PSMD14: variants seen among roughly 807,000 people sequenced by gnomAD.
The protein encoded by PSMD14 is ubiquitin C-terminal hydrolase PSMD14.
A neutral mutation model predicts 41.2 loss-of-function variants in PSMD14; 7 were observed. The observed-to-expected ratio is 0.17, with a 90% confidence interval of 0.10 to 0.32. The LOEUF (loss-of-function observed/expected upper bound fraction) is 0.32. PSMD14 is among the 10% of genes least tolerant of loss of function. The pLI is 1.00. For missense variants in PSMD14, 139 were observed against 375.6 expected (o/e 0.37, Z 5.21); for synonymous variants, 114 against 122.3 (o/e 0.93, Z 0.45).
At chr2:161,379,235 A>C (rs1683543478) in intron 7 of PSMD14, among the ~76,000 whole-genome samples, 1 of 151,876 alleles carries the variant, frequency 6.6e-6, no homozygotes, top group Non-Finnish European at 1.5e-5. Flanking sequence ...TAGAATTGAC[A>C]CTCTTAAGTT....
intron 9 of PSMD14, among the ~76,000 whole-genome samples, chr2:161,392,013 C>T (rs183309340): frequency 6.6e-6 from 1 of 152,062 alleles, no homozygotes; most frequent in Non-Finnish European, 1.5e-5. Flanking sequence ...CATTTTATAC[C>T]AGTTTTCAAG....
At chr2:161,395,027 A>AGGG in intron 9 of PSMD14, 51 bp from the exon 10 acceptor site, 2 of 1,462,668 alleles carry the variant, frequency 1.4e-6, no homozygotes, top group Admixed American at 5.7e-5. Flanking sequence ...TAGACAATGA[A>AGGG]GGGGGTATCC....
At chr2:161,341,705 G>A (rs1370283091) in intron 3 of PSMD14, among the ~76,000 whole-genome samples, 3 of 151,492 alleles carry the variant, frequency 2.0e-5, no homozygotes, top group Non-Finnish European at 4.4e-5. Flanking sequence ...CGGGCGTGGT[G>A]GCATCTGCCT....
chr2:161,324,405 TTGGGAAAAA>T (rs1387949379), intron 3 of PSMD14, among the ~76,000 whole-genome samples: 2 of 152,136 alleles, frequency 1.3e-5, no homozygotes, highest in Admixed American at 6.5e-5. Flanking sequence ...TTAGACCAAC[TTGGGAAAAA>T]TGGGAAAAAT....
intron 3 of PSMD14, among the ~76,000 whole-genome samples, chr2:161,344,545 T>A (rs978829540): frequency 6.6e-6 from 1 of 152,192 alleles, no homozygotes. Flanking sequence ...TTTGAGAAAG[T>A]GTCATATTGT....
intron 3 of PSMD14, among the ~76,000 whole-genome samples, chr2:161,366,649 A>G (rs543283029): frequency 6.6e-5 from 10 of 152,266 alleles, no homozygotes; most frequent in Admixed American, 3.9e-4. Flanking sequence ...AGATTGTCCA[A>G]TATTAAAAAA....
At chr2:161,327,595 G>A (rs1241752628) in intron 3 of PSMD14, among the ~76,000 whole-genome samples, 1 of 151,892 alleles carries the variant, frequency 6.6e-6, no homozygotes, top group African/African-American at 2.4e-5. Flanking sequence ...CAACTCAAAA[G>A]ATTCATAATT....
intron 3 of PSMD14, among the ~76,000 whole-genome samples, chr2:161,366,806 A>G (rs1251572223): frequency 1.3e-5 from 2 of 152,216 alleles, no homozygotes; most frequent in Non-Finnish European, 2.9e-5. Context: ...GGAAGAAGAT[A>G]GAATCCTTAA....
intron 9 of PSMD14, 50 bp from the exon 10 acceptor site, chr2:161,395,028 G>C: frequency 1.4e-6 from 2 of 1,447,204 alleles, no homozygotes; most frequent in Admixed American, 2.9e-5. Flanking sequence ...AGACAATGAA[G>C]GGGGTATCCT....
intron 3 of PSMD14, among the ~76,000 whole-genome samples, chr2:161,357,470 T>G (rs778400501): frequency 2.0e-5 from 3 of 152,164 alleles, no homozygotes; most frequent in Non-Finnish European, 4.4e-5. Flanking sequence ...TATAACAAAC[T>G]TATTTTCAAG....
In PSMD14 at chr2:161,354,462, G is replaced by C. The variant is rs564354672; in HGVS notation, c.49-13016G>C. Among the ~76,000 whole-genome samples, 6 of 150,960 alleles carry C rather than the reference G, an allele frequency of 4.0e-5. No individual in the cohort carries two copies. In the East Asian group the frequency reaches 1.2e-3, roughly 30 times the overall value. On this transcript the variant is annotated intron_variant, in intron 3 of 11. Coordinates refer to ENST00000409682, the MANE Select transcript of PSMD14 (RefSeq NM_005805.6). ...GTTTCGTCATGTTGCCCAGGCTGCT[G>C]AATGATGTTTTTTTATAACAAAGGT... is the stretch of plus-strand genomic sequence containing the variant.
At chr2:161,365,732 A>G (rs1244739653) in intron 3 of PSMD14, among the ~76,000 whole-genome samples, 1 of 152,158 alleles carries the variant, frequency 6.6e-6, no homozygotes, top group African/African-American at 2.4e-5. Context: ...ATAAATATAT[A>G]TGTTATGGAG....
intron 7 of PSMD14, among the ~76,000 whole-genome samples, chr2:161,376,682 C>G (rs1345642050): frequency 6.6e-6 from 1 of 151,880 alleles, no homozygotes; most frequent in African/African-American, 2.4e-5. Context: ...GAATATATTA[C>G]TTTGAAACTT....
At chr2:161,314,189 T>C (rs752492559) in intron 1 of PSMD14, among the ~76,000 whole-genome samples, 7 of 152,236 alleles carry the variant, frequency 4.6e-5, no homozygotes, top group Non-Finnish European at 7.3e-5. Flanking sequence ...GTGTACACTT[T>C]AGCATTTTTC....
intron 11 of PSMD14, among the ~76,000 whole-genome samples, chr2:161,410,668 C>A (rs981705192): frequency 2.0e-5 from 3 of 151,996 alleles, no homozygotes; most frequent in African/African-American, 7.2e-5. Context: ...TGCTATGATA[C>A]ATTTTTTTCA....
intron 7 of PSMD14, among the ~76,000 whole-genome samples, chr2:161,378,042 A>C (rs1333818879): frequency 6.6e-6 from 1 of 151,948 alleles, no homozygotes; most frequent in African/African-American, 2.4e-5. Context: ...TCTAGATGTG[A>C]CATTAGCCAT....
chr2:161,396,417 T>C (rs1486797555), intron 10 of PSMD14, among the ~76,000 whole-genome samples: 1 of 152,036 alleles, frequency 6.6e-6, no homozygotes, highest in African/African-American at 2.4e-5. Flanking sequence ...ATGTGGTGTA[T>C]AGATATACAT....
intron 9 of PSMD14, among the ~76,000 whole-genome samples, chr2:161,394,369 A>C (rs908494811): frequency 2.6e-5 from 4 of 152,190 alleles, no homozygotes; most frequent in Admixed American, 2.6e-4. Flanking sequence ...GAATACCAGA[A>C]TTTGAAGGAA....
chr2:161,357,875 T>C (rs1371993593), intron 3 of PSMD14, among the ~76,000 whole-genome samples: 1 of 150,438 alleles, frequency 6.6e-6, no homozygotes, highest in Non-Finnish European at 1.5e-5. Context: ...TTCCATCACA[T>C]TCAATCTCCA....
Sources: gnomAD v4.1 joint callset for allele counts (sites outside exome capture counted in the v4.1 genomes callset) on GRCh38, gnomAD v4.1.1 for gene constraint, MANE v1.5 for transcripts, NCBI Gene and HGNC (gene_info 2026-07-23, HGNC 2026-07-21) for gene names.